The following GFRA4 variants were observed in gnomAD, a reference collection of about 807,000 sequenced individuals.
GFRA4 encodes the protein GDNF family receptor alpha-4.
GFRA4 carries 31 observed loss-of-function variants against 28.5 expected under a neutral mutation model. That is an observed-to-expected ratio of 1.09 (90% CI 0.82 to 1.47). The LOEUF (loss-of-function observed/expected upper bound fraction) is 1.47, where lower values mean the gene tolerates loss of function less well. Among genes scored for constraint, GFRA4 ranks in the 40% most tolerant of loss-of-function variants. The pLI is 0.00. For synonymous variants in GFRA4, 188 were observed against 188.0 expected (o/e 1.00, Z 0.00); for missense variants, 389 against 413.2 (o/e 0.94, Z 0.51).
rs77187490 is a variant in GFRA4 at position 3,661,075 on chromosome 20, C to T, written c.261G>A (p.Pro87=). Reference sequence around the variant, plus strand: ...GCTCGGCGCACGCGGGGCCCGCGCACGGGCAGAAGAGCAGTGCGTGGGTGA... The same window carrying T: ...GCTCGGCGCACGCGGGGCCCGCGCATGGGCAGAAGAGCAGTGCGTGGGTGA... The part of the protein sequence containing the change: ...PALTHALLFC[P]CAGPACAERR... Residue 87 remains proline (P), a synonymous_variant, in exon 2 of 6, where the codon CCG becomes CCA. Coordinates refer to ENST00000290417, the MANE Select transcript of GFRA4 (RefSeq NM_022139.4). The T allele has an allele frequency of 2.8e-6, 4 of 1,439,690 alleles. No homozygotes were observed. The Admixed American group carries it at 8.5e-5, about 31-fold the overall frequency. The allele number at this position is 1,439,690 out of a possible 1,614,324, so 89.2% of individuals were successfully genotyped here.
Position 3,661,163 on chromosome 20 carries a change from C to A in GFRA4, c.173G>T (p.Gly58Val). Residue 58 changes from glycine to valine, a missense_variant, in exon 2 of 6, where the codon GGC (glycine) becomes GTC (valine). Physicochemically the swap from Gly to Val is moderately radical, Grantham distance 109. Coordinates refer to ENST00000290417, the MANE Select transcript of GFRA4 (RefSeq NM_022139.4). ...AQCLGRAAQGGCPRARCRRAL... is the reference protein window; with the variant it reads ...AQCLGRAAQGVCPRARCRRAL... Reference sequence around the variant, plus strand: ...CCGGCGGCAGCGGGCGCGGGGACAGCCCCCCTGCGCAGCCCGGCCCAGGCA... The same window carrying A: ...CCGGCGGCAGCGGGCGCGGGGACAGACCCCCTGCGCAGCCCGGCCCAGGCA... 1.5e-6 allele frequency: 2 copies of A among 1,375,036 alleles called. No individual in the cohort carries two copies. Among genetic ancestry groups the A allele is most frequent in the Non-Finnish European group, 1.9e-6 (2 of 1,070,200 alleles). 85.2% of individuals were successfully genotyped at this position (1,375,036 alleles called of 1,614,324 possible).
chr20:3,662,488 C>A (rs912261453), intron 1 of GFRA4, among the ~76,000 whole-genome samples: 3 of 152,008 alleles, frequency 2.0e-5, no homozygotes, highest in Admixed American at 6.6e-5. Context: ...GGTATCCCCC[C>A]CCCAGGGCTG....
rs73611721 is a variant in GFRA4 at position 3,659,872 on chromosome 20, G to A, written c.*37C>T. The A allele has an allele frequency of 0.04, 62,013 of 1,553,084 alleles. 1,650 individuals are homozygous for A. The highest frequency in any genetic ancestry group is 0.14 in the East Asian group (5,991 of 42,788). On this transcript the variant is annotated 3_prime_UTR_variant, in exon 6 of 6. Coordinates refer to ENST00000290417, the MANE Select transcript of GFRA4 (RefSeq NM_022139.4). ...AGAGGCGGCCCAGGCAGGCAGGGTG[G>A]AGTAGCTGGCTGTGCTATCCGAGGT...
In GFRA4 at chr20:3,659,700, G is replaced by A; in HGVS notation, c.*209C>T. 1.7e-6 allele frequency: 1 copy of A among 585,436 alleles called. No homozygotes were observed. The highest frequency in any genetic ancestry group is 3.0e-6 in the Non-Finnish European group (1 of 330,208). The allele number at this position is 585,436 out of a possible 1,614,324, so 36.3% of individuals were successfully genotyped here. A position where few individuals can be genotyped will look rare whatever the true frequency, so the allele number is the denominator to read the frequency against. On this transcript the variant is annotated 3_prime_UTR_variant, in exon 6 of 6. Transcript: ENST00000290417. ...CAAGATGCCTCCTGACAGGGAGACG[G>A]GGGCTTTACAGTCAGGCCCCAGCCT...
At position 3,660,575 on chromosome 20, in the gene GFRA4, A is replaced by G. The variant is rs1333635063; in HGVS notation, c.588T>C (p.Arg196=). The G allele has an allele frequency of 6.5e-7, 1 of 1,547,674 alleles. No individual in the cohort carries two copies. The highest frequency in any genetic ancestry group is 2.4e-5 in the East Asian group (1 of 40,890). Residue 196 remains arginine, a synonymous_variant, in exon 4 of 6, where the codon CGT becomes CGC. Transcript: ENST00000290417. The part of the protein sequence containing the change: ...WCDCGASGNR[R]EDCEAFRGLF... Reference sequence around the variant, plus strand: ...GCCCCCGGAAGGCTTCGCAGTCCTCACGCCGGTTCCCGCTGGCTCCGCAGT... The same window carrying G: ...GCCCCCGGAAGGCTTCGCAGTCCTCGCGCCGGTTCCCGCTGGCTCCGCAGT...
Position 3,660,530 on chromosome 20 carries a change from G to A in GFRA4, c.633C>T (p.Cys211=), listed in dbSNP as rs570554442. ...AFRGLFTRNR[C]LDGAIQAFAS... ...ACTCCCCCCCGGGCCCCTCACCCAA[G>A]CAGCGGTTCCTGGTAAAGAGCCCCC... The change falls in exon 4 of 6, where the codon TGC becomes TGT. Residue 211 remains cysteine, a synonymous_variant. Transcript: ENST00000290417. The A allele has an allele frequency of 8.7e-6, 12 of 1,383,070 alleles. No individual in the cohort carries two copies. The highest frequency in any genetic ancestry group is 1.2e-5 in the Non-Finnish European group (12 of 1,027,444). The allele number at this position is 1,383,070 out of a possible 1,614,324, so 85.7% of individuals were successfully genotyped here.
intron 5 of GFRA4, 35 bp downstream of exon 5, chr20:3,660,123 G>T: frequency 6.5e-7 from 1 of 1,542,936 alleles, no homozygotes; most frequent in Non-Finnish European, 8.8e-7. Context: ...GACAGTGGGG[G>T]AGGTGCCAGC....
rs1476101256 is a variant in GFRA4, at chr20:3,660,596, G to A, written c.567C>T (p.Cys189=). 1 of 1,550,706 alleles carries A rather than the reference G, an allele frequency of 6.4e-7. No individual in the cohort carries two copies. The highest frequency in any genetic ancestry group is 1.2e-5 in the South Asian group (1 of 84,092). Reference sequence around the variant, plus strand: ...CCTCACGCCGGTTCCCGCTGGCTCCGCAGTCGCACCAGGGCGCCACGCGCG... The same window carrying A: ...CCTCACGCCGGTTCCCGCTGGCTCCACAGTCGCACCAGGGCGCCACGCGCG... The part of the protein sequence containing the change: ...VSARVAPWCD[C]GASGNRREDC... Residue 189 remains cysteine, a synonymous_variant, in exon 4 of 6, where the codon TGC becomes TGT. Transcript: ENST00000290417.
At chr20:3,661,775 C>T (rs117215532) in intron 1 of GFRA4, among the ~76,000 whole-genome samples, 9 of 152,204 alleles carry the variant, frequency 5.9e-5, no homozygotes, top group East Asian at 1.9e-4. Flanking sequence ...TCCTCTACCC[C>T]CTCCACCTCG....
rs1007696001 is a variant in GFRA4 at position 3,660,580 on chromosome 20, G to A, written c.583C>T (p.Arg195Trp). ...PWCDCGASGNRREDCEAFRGL... is the reference protein window; with the variant it reads ...PWCDCGASGNWREDCEAFRGL... ...CGGAAGGCTTCGCAGTCCTCACGCC[G>A]GTTCCCGCTGGCTCCGCAGTCGCAC... The change falls in exon 4 of 6, where the codon CGG (arginine) becomes TGG (tryptophan). Residue 195 changes from arginine (R) to tryptophan (W), a missense_variant. Transcript: ENST00000290417. 7 of 1,547,160 alleles carry A rather than the reference G, an allele frequency of 4.5e-6. No individual in the cohort carries two copies. The highest frequency in any genetic ancestry group is 2.4e-5 in the South Asian group (2 of 83,980).
At chr20:3,662,463 CA>C (rs2087233476) in intron 1 of GFRA4, among the ~76,000 whole-genome samples, 4 of 129,028 alleles carry the variant, frequency 3.1e-5, no homozygotes, top group Admixed American at 2.5e-4. Context: ...TGTTTGTGCA[CA>C]GGGGCTACGG....
chr20:3,660,713 C>T, intron 3 of GFRA4, 42 bp downstream of exon 3: 1 of 1,485,630 alleles, frequency 6.7e-7, no homozygotes, highest in Non-Finnish European at 8.9e-7. Flanking sequence ...GAGATATCCC[C>T]TGGAGAACCC....
At chr20:3,662,612 A>G (rs954933405) in intron 1 of GFRA4, among the ~76,000 whole-genome samples, 1 of 152,228 alleles carries the variant, frequency 6.6e-6, no homozygotes, top group Non-Finnish European at 1.5e-5. Context: ...AAGGATGAAC[A>G]TAGCTCGAGG....
chr20:3,661,401 G>C, intron 1 of GFRA4, 112 bp from the exon 2 acceptor site: 3 of 1,317,828 alleles, frequency 2.3e-6, no homozygotes, highest in Admixed American at 4.1e-5. Flanking sequence ...AGAAAGCATA[G>C]AGTGTGGCCC....
In GFRA4 at chr20:3,660,525, C is replaced by T; in HGVS notation, c.637+1G>A. 6.5e-7 allele frequency: 1 copy of T among 1,548,244 alleles called. No homozygotes were observed. The highest frequency in any genetic ancestry group is 8.7e-7 in the Non-Finnish European group (1 of 1,146,118). Reference sequence around the variant, plus strand: ...CCTCCACTCCCCCCCGGGCCCCTCACCCAAGCAGCGGTTCCTGGTAAAGAG... The same window carrying T: ...CCTCCACTCCCCCCCGGGCCCCTCATCCAAGCAGCGGTTCCTGGTAAAGAG... On this transcript the variant is annotated splice_donor_variant, in intron 4 of 5. Coordinates refer to ENST00000290417, the MANE Select transcript of GFRA4 (RefSeq NM_022139.4). LOFTEE classifies it high-confidence loss of function.
Position 3,660,503 on chromosome 20 carries a change from C to G in GFRA4, c.637+23G>C, listed in dbSNP as rs936615005. The G allele has an allele frequency of 1.5e-5, 22 of 1,509,918 alleles. No homozygotes were observed. In the African/African-American group the frequency reaches 3.1e-4, roughly 21 times the overall value. 93.5% of individuals were successfully genotyped at this position (1,509,918 alleles called of 1,614,324 possible). A position where few individuals can be genotyped will look rare whatever the true frequency, so the allele number is the denominator to read the frequency against. On this transcript the variant is annotated intron_variant, in intron 4 of 5. Coordinates refer to ENST00000290417, the MANE Select transcript of GFRA4 (RefSeq NM_022139.4). ...AGTAAGCGCCGCCCCCACTCCCCCT[C>G]CACTCCCCCCCGGGCCCCTCACCCA...
chr20:3,659,444 T>G lies in GFRA4; in HGVS notation c.*465A>C. ...GGCTACAATGGTGGGTAATGCCCAG[T>G]TGGGAGGATGCAGTGTTAGACGGGG... On this transcript the variant is annotated 3_prime_UTR_variant, in exon 6 of 6. Transcript: ENST00000290417. 2 of 169,444 alleles carry G rather than the reference T, an allele frequency of 1.2e-5. No individual in the cohort carries two copies. Among genetic ancestry groups the G allele is most frequent in the South Asian group, 1.3e-4 (1 of 7,572 alleles). 10.5% of individuals were successfully genotyped at this position (169,444 alleles called of 1,614,324 possible).
Position 3,660,576 on chromosome 20 carries a change from C to A in GFRA4, c.587G>T (p.Arg196Leu), listed in dbSNP as rs753340018. The change falls in exon 4 of 6, where the codon CGT becomes CTT. Residue 196 changes from arginine to leucine, a missense_variant. Transcript: ENST00000290417. Reference sequence around the variant, plus strand: ...CCCCCGGAAGGCTTCGCAGTCCTCACGCCGGTTCCCGCTGGCTCCGCAGTC... The same window carrying A: ...CCCCCGGAAGGCTTCGCAGTCCTCAAGCCGGTTCCCGCTGGCTCCGCAGTC... ...WCDCGASGNR[R>L]EDCEAFRGLF... is the part of the protein sequence containing the mutation. The A allele has an allele frequency of 5.2e-6, 8 of 1,551,172 alleles. No homozygotes were observed. Among genetic ancestry groups the A allele is most frequent in the Non-Finnish European group, 7.0e-6 (8 of 1,147,460 alleles).
chr20:3,660,829 G>A lies in GFRA4; in HGVS notation c.428C>T (p.Pro143Leu). 4 of 1,424,166 alleles carry A rather than the reference G, an allele frequency of 2.8e-6. No homozygotes were observed. Among genetic ancestry groups the A allele is most frequent in the Non-Finnish European group, 2.7e-6 (3 of 1,102,254 alleles). 88.2% of individuals were successfully genotyped at this position (1,424,166 alleles called of 1,614,324 possible). A position where few individuals can be genotyped will look rare whatever the true frequency, so the allele number is the denominator to read the frequency against. ...GCAGCCGTCGGGGGCGCTGGGCGCT[G>A]GGGTGCACGAGACCTGAAAGGCCAG... ...RLLAFQVSCT[P>L]APSAPDGCLL... The change falls in exon 3 of 6, where the codon CCA becomes CTA. Residue 143 changes from proline (P) to leucine (L), a missense_variant. By Grantham distance (98) the Pro-to-Leu change is moderately conservative. Transcript: ENST00000290417.
Sources: gnomAD v4.1 joint callset for allele counts (sites outside exome capture counted in the v4.1 genomes callset) on GRCh38, gnomAD v4.1.1 for gene constraint, MANE v1.5 for transcripts, NCBI Gene and HGNC (gene_info 2026-07-23, HGNC 2026-07-21) for gene names.